The following BIRC6 variants were observed in gnomAD, a reference collection of about 807,000 sequenced individuals.
The protein encoded by BIRC6 is baculoviral IAP repeat containing 6.
In BIRC6, 98 loss-of-function variants were observed where a neutral mutation model predicts 503.3. The observed-to-expected ratio is 0.19, with a 90% CI of 0.17 to 0.23. The LOEUF (loss-of-function observed/expected upper bound fraction) is 0.23. Among genes scored for constraint, BIRC6 ranks in the 10% least tolerant of loss-of-function variants. BIRC6 has a pLI of 1.00. For synonymous variants in BIRC6, 2,240 were observed against 2,078.7 expected (o/e 1.08, Z -2.11); for missense variants, 5,360 against 5,806.0 (o/e 0.92, Z 2.50).
At chr2:32,368,237 G>A (rs2035255923) in intron 1 of BIRC6, among the ~76,000 whole-genome samples, 1 of 151,834 alleles carries the variant, frequency 6.6e-6, no homozygotes, top group South Asian at 2.1e-4. Flanking sequence ...TGTGCAGTTA[G>A]GTTTAGGAGT....
chr2:32,422,130 A>G (rs1240962949), intron 10 of BIRC6, among the ~76,000 whole-genome samples: 1 of 152,158 alleles, frequency 6.6e-6, no homozygotes. Context: ...TACAGTTTGT[A>G]TTATGTATCT....
intron 10 of BIRC6, among the ~76,000 whole-genome samples, chr2:32,425,710 C>T (rs1574117934): frequency 6.6e-6 from 1 of 152,180 alleles, no homozygotes; most frequent in South Asian, 2.1e-4. Context: ...GATCCTGTTT[C>T]GGCTTTGTCC....
intron 61 of BIRC6, among the ~76,000 whole-genome samples, chr2:32,535,150 C>CAAAAAAAAAAAA (rs1158856665): frequency 8.2e-4 from 6 of 7,278 alleles, no homozygotes; most frequent in African/African-American, 1.3e-3. Context: ...CCCAAAAAAG[C>CAAAAAAAAAAAA]AAAAAAAAAA....
intron 72 of BIRC6, among the ~76,000 whole-genome samples, chr2:32,609,059 T>A (rs78853224): frequency 1.4e-3 from 211 of 151,462 alleles, no homozygotes; most frequent in African/African-American, 5.0e-3. Context: ...TTTTTTGTAT[T>A]TTTTAGTAGA....
intron 10 of BIRC6, among the ~76,000 whole-genome samples, chr2:32,420,003 A>G (rs1449340988): frequency 2.0e-5 from 3 of 152,192 alleles, no homozygotes; most frequent in Non-Finnish European, 4.4e-5. Flanking sequence ...AAATATATTG[A>G]TTGACTTTTG....
At position 32,499,606 on chromosome 2, in the gene BIRC6, C is replaced by T. The variant is rs1418879602; in HGVS notation, c.8528C>T (p.Thr2843Ile). The change falls in exon 46 of 74, where the codon ACT becomes ATT. Residue 2843 changes from threonine (T) to isoleucine (I), a missense_variant. By Grantham distance (89) the Thr-to-Ile change is moderately conservative (BLOSUM62 -1). Around this residue, in one of 16 missense-constraint regions of BIRC6, gnomAD observed 2,299 missense variants for 2,267.2 expected, o/e 1.01. Transcript: ENST00000421745. ...GCCCAAGTGAAGCTCTTAGAATTCA[C>T]TCTGGAGCAGAATTTTGAAGTCGTT... ...LDAQVKLLEF[T>I]LEQNFEVVSV... 2 of 1,613,746 alleles carry T rather than the reference C, an allele frequency of 1.2e-6. No homozygotes were observed. The highest frequency in any genetic ancestry group is 4.5e-5 in the East Asian group (2 of 44,892).
Position 32,587,583 on chromosome 2 carries a change from G to T in BIRC6, c.13356-6332G>T, listed in dbSNP as rs544482870. On this transcript the variant is annotated intron_variant, in intron 66 of 73. Coordinates refer to ENST00000421745, the MANE Select transcript of BIRC6 (RefSeq NM_016252.4). ...TACTAATAATACAAAAATTAGCCAG[G>T]CGTGGTGGTGTGCACCTGTAATCCT... Among the ~76,000 whole-genome samples, 85 of 152,122 alleles carry T rather than the reference G, an allele frequency of 5.6e-4. 2 individuals are homozygous for T. The highest frequency in any genetic ancestry group is 5.3e-3 in the Admixed American group (81 of 15,278).
chr2:32,617,306 C>T (rs1559166468), intron 73 of BIRC6, among the ~76,000 whole-genome samples: 2 of 152,012 alleles, frequency 1.3e-5, no homozygotes, highest in Non-Finnish European at 2.9e-5. Context: ...AAGGCTGAGG[C>T]AGAAGAATCA....
At chr2:32,418,246 G>A (rs935804708) in intron 10 of BIRC6, among the ~76,000 whole-genome samples, 19 of 152,158 alleles carry the variant, frequency 1.2e-4, no homozygotes, top group Non-Finnish European at 2.8e-4. Context: ...AATTCTGTGT[G>A]GTATCAGAGA....
chr2:32,487,567 C>A, intron 40 of BIRC6, 80 bp from the exon 41 acceptor site: 3 of 1,229,666 alleles, frequency 2.4e-6, no homozygotes, highest in South Asian at 1.6e-5. Context: ...AACAATTTAA[C>A]CTATTTATAC....
chr2:32,582,231 G>C (rs2060720751), intron 66 of BIRC6, among the ~76,000 whole-genome samples: 1 of 152,196 alleles, frequency 6.6e-6, no homozygotes. Context: ...AAGCTGGGCT[G>C]GATATGGTGG....
At chr2:32,577,659 T>C (rs1258416534) in intron 66 of BIRC6, among the ~76,000 whole-genome samples, 4 of 152,224 alleles carry the variant, frequency 2.6e-5, no homozygotes, top group Non-Finnish European at 5.9e-5. Flanking sequence ...CTCTTTGGTC[T>C]ATTTGCTTTT....
At chr2:32,412,300 T>C (rs771882423) in intron 9 of BIRC6, among the ~76,000 whole-genome samples, 11 of 151,904 alleles carry the variant, frequency 7.2e-5, no homozygotes, top group Non-Finnish European at 1.5e-4. Flanking sequence ...AGTTCGACAC[T>C]AGCCGGACCA....
At chr2:32,397,693 TACACACACACAC>T (rs148310332) in intron 6 of BIRC6, among the ~76,000 whole-genome samples, 3 of 144,652 alleles carry the variant, frequency 2.1e-5, no homozygotes, top group Non-Finnish European at 3.0e-5. Context: ...CATATATATG[TACACACACACAC>T]ACACACACAT....
At position 32,415,995 on chromosome 2, in the gene BIRC6, C is replaced by T; in HGVS notation, c.2704C>T (p.His902Tyr). ...EKTSDISTLG[H>Y]LVITTQGGYV... ...AACGTCTGACATTTCTACTCTTGGA[C>T]ACCTGGTAATAACCACTCAGGGAGG... The change falls in exon 10 of 74, where the codon CAC becomes TAC. Residue 902 changes from histidine (H) to tyrosine (Y), a missense_variant. By Grantham distance (83) the His-to-Tyr change is moderately conservative. Around this residue, in one of 16 missense-constraint regions of BIRC6, gnomAD observed 700 missense variants for 739.3 expected, o/e 0.95. Transcript: ENST00000421745. The T allele has an allele frequency of 6.2e-7, 1 of 1,613,924 alleles. No homozygotes were observed. Among genetic ancestry groups the T allele is most frequent in the Non-Finnish European group, 8.5e-7 (1 of 1,179,858 alleles).
At chr2:32,595,461 A>G (rs1160274645) in intron 68 of BIRC6, among the ~76,000 whole-genome samples, 1 of 152,242 alleles carries the variant, frequency 6.6e-6, no homozygotes, top group East Asian at 1.9e-4. Context: ...AAGGAAGCCA[A>G]GACCCAGAAC....
At chr2:32,547,454 A>G (rs1572938420) in intron 63 of BIRC6, among the ~76,000 whole-genome samples, 1 of 152,162 alleles carries the variant, frequency 6.6e-6, no homozygotes, top group South Asian at 2.1e-4. Flanking sequence ...AAATTGAATC[A>G]TGTAATGTGT....
At chr2:32,500,364 G>T (rs940853228) in intron 46 of BIRC6, among the ~76,000 whole-genome samples, 50 of 150,412 alleles carry the variant, frequency 3.3e-4, no homozygotes, top group Non-Finnish European at 7.2e-4. Context: ...AGCAATTCTC[G>T]TGCCTCAGCC....
At position 32,448,753 on chromosome 2, in the gene BIRC6, T is replaced by C. The variant is rs780394777; in HGVS notation, c.4485-42T>C. 2.5e-6 allele frequency: 4 copies of C among 1,576,680 alleles called. No individual in the cohort carries two copies. The Admixed American group carries it at 5.4e-5, about 21-fold the overall frequency. On this transcript the variant is annotated intron_variant, in intron 21 of 73. Coordinates refer to ENST00000421745, the MANE Select transcript of BIRC6 (RefSeq NM_016252.4). Reference sequence around the variant, plus strand: ...AAGTAAAGGTAATTTGTTAATTAGATGGCTGAAAGGAAAATTGTTAGTGCA... The same window carrying C: ...AAGTAAAGGTAATTTGTTAATTAGACGGCTGAAAGGAAAATTGTTAGTGCA...
Sources: gnomAD v4.1 joint callset for allele counts (sites outside exome capture counted in the v4.1 genomes callset) on GRCh38, gnomAD v4.1.1 for gene constraint, gnomAD v4.1.1 regional missense constraint, MANE v1.5 for transcripts, NCBI Gene and HGNC (gene_info 2026-07-23, HGNC 2026-07-21) for gene names.